Variants in NPTN observed in about 807,000 individuals in gnomAD.
The protein encoded by NPTN is SDR-1.
Under a neutral mutation model 42.7 loss-of-function variants are expected in NPTN, and 5 were observed. The ratio of observed to expected loss-of-function variants is 0.12; its 90% CI spans 0.06 to 0.25. The LOEUF (loss-of-function observed/expected upper bound fraction) is 0.25, where lower values mean the gene tolerates loss of function less well. Ranked by LOEUF, NPTN falls within the 10% of genes least tolerant of loss-of-function variation. NPTN has a pLI of 1.00. For missense variants in NPTN, 307 were observed against 525.4 expected (o/e 0.58, Z 4.06); for synonymous variants, 180 against 201.9 (o/e 0.89, Z 0.92).
chr15:73,589,803 C>A (rs1896498168), intron 3 of NPTN, among the ~76,000 whole-genome samples: 1 of 50,652 alleles, frequency 2.0e-5, no homozygotes, highest in African/African-American at 5.5e-5. Flanking sequence ...GCACAATATT[C>A]TGTGAGAAGC....
At chr15:73,589,098 G>T (rs1241763595) in intron 3 of NPTN, among the ~76,000 whole-genome samples, 1 of 152,182 alleles carries the variant, frequency 6.6e-6, no homozygotes, top group African/African-American at 2.4e-5. Context: ...TTGGGAGGCT[G>T]AGGTGTGTGG....
At position 73,602,969 on chromosome 15, in the gene NPTN, C is replaced by G. The variant is rs112308238; in HGVS notation, c.92-5600G>C. Among the ~76,000 whole-genome samples, 1,227 of 152,284 alleles carry G rather than the reference C, an allele frequency of 8.1e-3. 21 individuals carry two copies. The highest frequency in any genetic ancestry group is 0.028 in the African/African-American group (1,181 of 41,550). ...GACCAAAGGCATCTATACCAGCCAGCCTTCTGCTTTGGAAAAATAGGGGAA... is the reference window on the plus strand; with the variant it reads ...GACCAAAGGCATCTATACCAGCCAGGCTTCTGCTTTGGAAAAATAGGGGAA... On this transcript the variant is annotated intron_variant, in intron 1 of 8. Coordinates refer to ENST00000345330, the MANE Select transcript of NPTN (RefSeq NM_012428.4).
intron 2 of NPTN, among the ~76,000 whole-genome samples, chr15:73,595,408 T>C (rs2141406827): frequency 6.6e-6 from 1 of 152,298 alleles, no homozygotes; most frequent in Non-Finnish European, 1.5e-5. Flanking sequence ...CTTTTCCTCT[T>C]TCCAGAAGCA....
At chr15:73,607,887 C>G (rs763159001) in intron 1 of NPTN, among the ~76,000 whole-genome samples, 1 of 152,266 alleles carries the variant, frequency 6.6e-6, no homozygotes, top group East Asian at 1.9e-4. Flanking sequence ...CGTGCTGCTG[C>G]TCCAGGGACC....
rs560112169 is a variant in NPTN, at chr15:73,628,227, C to G, written c.91+4898G>C. 2.4e-4 allele frequency among the ~76,000 whole-genome samples: 37 copies of G among 152,288 alleles called. 1 individual carries two copies. In the East Asian group the frequency reaches 6.4e-3, roughly 26 times the overall value. ...TGAATTTACTTTAGAGGTCCCTGGT[C>G]TATTTACTCTTTCTGACAGCTTATA... On this transcript the variant is annotated intron_variant, in intron 1 of 8. Transcript: ENST00000345330.
At chr15:73,582,674 A>G (rs1896110511) in intron 4 of NPTN, among the ~76,000 whole-genome samples, 1 of 152,200 alleles carries the variant, frequency 6.6e-6, no homozygotes, top group African/African-American at 2.4e-5. Context: ...CCACTGTTCT[A>G]TCACCTTTCC....
chr15:73,596,985 T>A (rs1896863323), intron 2 of NPTN, 37 bp downstream of exon 2: 1 of 1,538,214 alleles, frequency 6.5e-7, no homozygotes, highest in Admixed American at 1.8e-5. Flanking sequence ...CCACCTCTAA[T>A]GACTACAGTA....
At chr15:73,605,170 G>T (rs183904771) in intron 1 of NPTN, among the ~76,000 whole-genome samples, 16 of 151,284 alleles carry the variant, frequency 1.1e-4, no homozygotes, top group Admixed American at 1.1e-3. Context: ...AAGCAGTGTG[G>T]AAGAAACTGG....
chr15:73,579,029 C>A (rs997011524), intron 4 of NPTN, among the ~76,000 whole-genome samples: 1 of 145,540 alleles, frequency 6.9e-6, no homozygotes, highest in African/African-American at 2.6e-5. Flanking sequence ...TATTTAACAT[C>A]CAAGTATTGG....
intron 2 of NPTN, among the ~76,000 whole-genome samples, chr15:73,592,553 C>A (rs1410068359): frequency 6.6e-6 from 1 of 152,112 alleles, no homozygotes; most frequent in Non-Finnish European, 1.5e-5. Flanking sequence ...CCTATTGTAC[C>A]ACTGGGCCTT....
intron 1 of NPTN, among the ~76,000 whole-genome samples, chr15:73,631,897 C>T (rs1898764868): frequency 6.6e-6 from 1 of 152,164 alleles, no homozygotes; most frequent in Admixed American, 6.5e-5. Context: ...GCCCATGATT[C>T]CCCACCACTT....
intron 1 of NPTN, among the ~76,000 whole-genome samples, chr15:73,632,179 C>G (rs1050972383): frequency 6.6e-6 from 1 of 152,078 alleles, no homozygotes; most frequent in African/African-American, 2.4e-5. Flanking sequence ...CCTCCCTTCC[C>G]TAATTTATCC....
In NPTN at chr15:73,575,775, T is replaced by G. The variant is rs76519859; in HGVS notation, c.707-1980A>C. 3.3e-3 allele frequency among the ~76,000 whole-genome samples: 499 copies of G among 152,334 alleles called. 4 individuals are homozygous for G. Among genetic ancestry groups the G allele is most frequent in the African/African-American group, 0.012 (491 of 41,580 alleles). On this transcript the variant is annotated intron_variant, in intron 4 of 8. Coordinates refer to ENST00000345330, the MANE Select transcript of NPTN (RefSeq NM_012428.4). ...CAGAATGTGCTTCCCAGGCACAAAC[T>G]GGTTTTAGACTCACCCTCCAGAGGC...
intron 1 of NPTN, among the ~76,000 whole-genome samples, chr15:73,603,284 T>G (rs978773161): frequency 2.0e-5 from 3 of 152,202 alleles, no homozygotes; most frequent in Non-Finnish European, 4.4e-5. Flanking sequence ...TAGAAATAAG[T>G]GCTAAACAGG....
chr15:73,598,317 C>T (rs143790180), intron 1 of NPTN, among the ~76,000 whole-genome samples: 173 of 152,124 alleles, frequency 1.1e-3, no homozygotes, highest in African/African-American at 4.0e-3. Flanking sequence ...AGAAATGTAC[C>T]CTGATGAATT....
chr15:73,568,634 G>A, intron 6 of NPTN: 3 of 985,452 alleles, frequency 3.0e-6, no homozygotes, highest in Non-Finnish European at 3.6e-6. Context: ...CCCAAAGAAA[G>A]CAGGTTCACT....
chr15:73,570,379 T>G lies in NPTN; in HGVS notation c.885A>C (p.Glu295Asp), dbSNP rs779373081. The G allele has an allele frequency of 6.2e-7, 1 of 1,613,846 alleles. No individual in the cohort carries two copies. Among genetic ancestry groups the G allele is most frequent in the East Asian group, 2.2e-5 (1 of 44,878 alleles). Reference sequence around the variant, plus strand: ...TCACAATGTTCAACTCAGTGTAATTTTCCTTGTTGATGATGAAGAAGCGGC... The same window carrying G: ...TCACAATGTTCAACTCAGTGTAATTGTCCTTGTTGATGATGAAGAAGCGGC... ...TSGRFFIINK[E>D]NYTELNIVNL... The change falls in exon 6 of 9, where the codon GAA becomes GAC. Residue 295 changes from glutamate (E) to aspartate (D), a missense_variant. By Grantham distance (45) the Glu-to-Asp change is conservative. This residue lies in a region of NPTN where 264 missense variants were observed against 491.1 expected (regional missense o/e 0.54). Coordinates refer to ENST00000345330, the MANE Select transcript of NPTN (RefSeq NM_012428.4). This position sits in a 1 kb window ranked among gnomAD's most constrained non-coding sequence, Gnocchi z 4.0.
At chr15:73,601,631 G>A (rs761948409) in intron 1 of NPTN, among the ~76,000 whole-genome samples, 5 of 152,110 alleles carry the variant, frequency 3.3e-5, no homozygotes, top group Non-Finnish European at 5.9e-5. Flanking sequence ...CTAGGTCAAG[G>A]GTCATCCAAT....
intron 1 of NPTN, among the ~76,000 whole-genome samples, chr15:73,610,657 G>C (rs140164012): frequency 1.2e-4 from 19 of 152,300 alleles, no homozygotes; most frequent in African/African-American, 4.6e-4. Flanking sequence ...ATATGCCACG[G>C]ACCAGTGATT....
Sources: gnomAD v4.1 joint callset for allele counts (sites outside exome capture counted in the v4.1 genomes callset) on GRCh38, gnomAD v4.1.1 for gene constraint, gnomAD v4.1.1 regional missense constraint, Gnocchi (gnomAD v3.1) non-coding constraint, MANE v1.5 for transcripts, NCBI Gene and HGNC (gene_info 2026-07-23, HGNC 2026-07-21) for gene names.